The following TMEM230 variants were observed in gnomAD, a reference collection of about 807,000 sequenced individuals.
TMEM230 encodes the protein transmembrane protein 230, also known as UPF0414 transmembrane protein C20orf30.
In TMEM230, 10 loss-of-function variants were observed where a neutral mutation model predicts 15.8. The ratio of observed to expected loss-of-function variants is 0.63; its 90% confidence interval spans 0.39 to 1.07. The LOEUF (loss-of-function observed/expected upper bound fraction) is 1.07. Ranked by LOEUF, TMEM230 falls within the 50% of genes least tolerant of loss-of-function variation. The probability of loss-of-function intolerance (pLI) is 0.01; values close to 1 mark genes in which losing one functional copy is unlikely to be tolerated. For synonymous variants in TMEM230, 67 were observed against 76.9 expected, an observed-to-expected ratio of 0.87 and a Z score of 0.68; for missense variants, 165 against 193.3, an observed-to-expected ratio of 0.85 and a Z score of 0.87.
At chr20:5,086,073 G>GT (rs2089328298) in intron 3 of TMEM230, among the ~76,000 whole-genome samples, 1 of 152,032 alleles carries the variant, frequency 6.6e-6, no homozygotes, top group Non-Finnish European at 1.5e-5. Flanking sequence ...GCTTTTCCAT[G>GT]TATGTATTAT....
intron 3 of TMEM230, among the ~76,000 whole-genome samples, chr20:5,094,479 C>T (rs957003473): frequency 1.1e-4 from 16 of 151,184 alleles, no homozygotes; most frequent in African/African-American, 2.2e-4. Context: ...GAGGCTGAGG[C>T]GGGAGGATCA....
the TMEM230 span, among the ~76,000 whole-genome samples, chr20:5,059,608 C>A: frequency 6.6e-6 from 1 of 151,088 alleles, no homozygotes; most frequent in Non-Finnish European, 1.5e-5. Flanking sequence ...TTTATCCTTG[C>A]CTTTATTTTA....
downstream of TMEM230, among the ~76,000 whole-genome samples, chr20:5,063,319 G>A (rs976178311): frequency 1.0e-4 from 12 of 117,038 alleles, no homozygotes; most frequent in East Asian, 5.3e-4. Context: ...ATGGAGTCTC[G>A]CTCTGTCACC....
intron 3 of TMEM230, among the ~76,000 whole-genome samples, chr20:5,088,225 C>T (rs536235964): frequency 1.4e-3 from 206 of 148,558 alleles, no homozygotes; most frequent in Non-Finnish European, 2.2e-4. Flanking sequence ...AGGAGAATTG[C>T]TTGAACCCGG....
At chr20:5,081,878 T>TC (rs1371926660) in intron 3 of TMEM230, among the ~76,000 whole-genome samples, 1 of 43,344 alleles carries the variant, frequency 2.3e-5, no homozygotes, top group African/African-American at 5.2e-5. Flanking sequence ...TTTTTCTTTT[T>TC]TTTTTTTTTT....
At chr20:5,074,338 T>A (rs1419748630) in intron 3 of TMEM230, among the ~76,000 whole-genome samples, 2 of 152,164 alleles carry the variant, frequency 1.3e-5, no homozygotes, top group Non-Finnish European at 2.9e-5. Flanking sequence ...TCACTGGAGA[T>A]GGTACCAAGA....
At chr20:5,108,668 A>G (rs1005512734) in intron 3 of TMEM230, among the ~76,000 whole-genome samples, 4 of 152,162 alleles carry the variant, frequency 2.6e-5, no homozygotes, top group Non-Finnish European at 2.9e-5. Context: ...TTATTTATTT[A>G]TAAAGGATGG....
downstream of TMEM230, chr20:5,067,459 A>ATATATG (rs1379712330): frequency 6.3e-5 from 8 of 126,870 alleles, no homozygotes; most frequent in African/African-American, 2.1e-4. Flanking sequence ...ATATATATAT[A>ATATATG]TTTTAAGACA....
chr20:5,088,234 G>A (rs997999669), intron 3 of TMEM230, among the ~76,000 whole-genome samples: 2 of 150,438 alleles, frequency 1.3e-5, no homozygotes, highest in Admixed American at 6.6e-5. Flanking sequence ...GCTTGAACCC[G>A]GGAGGCAGAG....
rs758119588 is a variant in TMEM230 at position 5,111,607 on chromosome 20, TAAAAA to T, written c.69-7_69-3del. 6.8e-4 allele frequency: 40 copies of T among 58,936 alleles called. No individual in the cohort carries two copies. Among genetic ancestry groups the T allele is most frequent in the Non-Finnish European group, 1.1e-3 (36 of 34,174 alleles). 3.7% of individuals were successfully genotyped at this position (58,936 alleles called of 1,614,324 possible). On this transcript the variant is annotated splice_region_variant and splice_polypyrimidine_tract_variant and intron_variant, in intron 1 of 4. Transcript: ENST00000342308. ...CTGGGCGACAGAACTAGACTCCATC[TAAAAA>T]AAAAAAAAAAAAAAAAAAAAAAAAA... is the stretch of plus-strand genomic sequence containing the variant.
chr20:5,075,253 T>C (rs2088951829), intron 3 of TMEM230, among the ~76,000 whole-genome samples: 4 of 149,296 alleles, frequency 2.7e-5, no homozygotes, highest in Admixed American at 2.7e-4. Flanking sequence ...TTAGTAGAGA[T>C]GGCGTTTCTC....
At chr20:5,107,467 A>T (rs2090141030) in intron 3 of TMEM230, among the ~76,000 whole-genome samples, 1 of 152,240 alleles carries the variant, frequency 6.6e-6, no homozygotes, top group Non-Finnish European at 1.5e-5. Flanking sequence ...ATCTCAGAGG[A>T]ATGTCATTCA....
At position 5,078,407 on chromosome 20, in the gene TMEM230, T is replaced by A. The variant is rs73893887; in HGVS notation, c.223-9058A>T. 3.5e-3 allele frequency among the ~76,000 whole-genome samples: 537 copies of A among 152,264 alleles called. 3 individuals carry two copies. The highest frequency in any genetic ancestry group is 0.012 in the African/African-American group (504 of 41,542). Reference sequence around the variant, plus strand: ...GATACTCCCAGCAAATGCTAATCATTCATGTTTCTAATTTCCTGGGGTGAC... The same window carrying A: ...GATACTCCCAGCAAATGCTAATCATACATGTTTCTAATTTCCTGGGGTGAC... On this transcript the variant is annotated intron_variant, in intron 3 of 3. Coordinates refer to the TMEM230 transcript ENST00000612323.
rs773515606 is a variant in TMEM230, at chr20:5,100,602, T to C, written c.*189A>G. The C allele has an allele frequency of 2.9e-6, 4 of 1,380,224 alleles. No individual in the cohort carries two copies. Among genetic ancestry groups the C allele is most frequent in the East Asian group, 2.7e-5 (1 of 36,632 alleles). The allele number at this position is 1,380,224 out of a possible 1,614,324, so 85.5% of individuals were successfully genotyped here. On this transcript the variant is annotated 3_prime_UTR_variant, in exon 5 of 5. Coordinates refer to ENST00000342308, the MANE Select transcript of TMEM230 (RefSeq NM_001009923.2). ...CTTGTCAGGGCCCAGGGATGAAAAA[T>C]AGAGCTTGTCCTAATTAGCTAACTG...
intron 3 of TMEM230, among the ~76,000 whole-genome samples, chr20:5,078,725 G>A (rs191922279): frequency 3.3e-5 from 5 of 152,282 alleles, no homozygotes; most frequent in South Asian, 2.1e-4. Flanking sequence ...ATGTGGCGAC[G>A]CCCTCCTTTA....
chr20:5,097,535 TG>T (rs1217300210), downstream of TMEM230, among the ~76,000 whole-genome samples: 1 of 152,238 alleles, frequency 6.6e-6, no homozygotes, highest in East Asian at 1.9e-4. Flanking sequence ...CTACTTCTAC[TG>T]TCCATACCCA....
chr20:5,087,501 A>ATT (rs199557428), intron 3 of TMEM230, among the ~76,000 whole-genome samples: 5 of 145,204 alleles, frequency 3.4e-5, no homozygotes, highest in African/African-American at 1.3e-4. Flanking sequence ...AAGAGGACAT[A>ATT]TTTTTTTTTT....
intron 3 of TMEM230, among the ~76,000 whole-genome samples, chr20:5,077,318 C>G (rs2089035975): frequency 6.6e-6 from 1 of 151,936 alleles, no homozygotes; most frequent in African/African-American, 2.4e-5. Flanking sequence ...AAAAACAAAA[C>G]AAAACAAAAC....
rs2122711897 is a variant in TMEM230, at chr20:5,100,287, T to C, written c.*504A>G. The C allele has an allele frequency of 1.1e-5, 11 of 985,262 alleles. No homozygotes were observed. Among genetic ancestry groups the C allele is most frequent in the African/African-American group, 1.7e-5 (1 of 57,318 alleles). The allele number at this position is 985,262 out of a possible 1,614,324, so 61.0% of individuals were successfully genotyped here. ...TGGTTGCTGTCAGTAAGAAAGCAAG[T>C]AAAAAAAATATTACAGATGAACTCA... On this transcript the variant is annotated 3_prime_UTR_variant, in exon 5 of 5. Coordinates refer to ENST00000342308, the MANE Select transcript of TMEM230 (RefSeq NM_001009923.2).
Sources: gnomAD v4.1 joint callset for allele counts (sites outside exome capture counted in the v4.1 genomes callset) on GRCh38, gnomAD v4.1.1 for gene constraint, MANE v1.5 for transcripts, NCBI Gene and HGNC (gene_info 2026-07-23, HGNC 2026-07-21) for gene names.